PAPPA: variants seen among roughly 807,000 people sequenced by gnomAD.
PAPPA encodes the protein pappalysin-1.
A neutral mutation model predicts 164.0 loss-of-function variants in PAPPA; 60 were observed. The ratio of observed to expected loss-of-function variants is 0.37; its 90% CI spans 0.30 to 0.45. The LOEUF is 0.45. Ranked by LOEUF, PAPPA falls within the 20% of genes least tolerant of loss-of-function variation. The pLI is 1.00. For missense variants in PAPPA, 1,782 were observed against 2,087.3 expected (o/e 0.85, Z 2.85); for synonymous variants, 875 against 814.1 (o/e 1.07, Z -1.27).
intron 7 of PAPPA, among the ~76,000 whole-genome samples, chr9:116,244,780 G>A (rs1844776947): frequency 6.6e-6 from 1 of 152,114 alleles, no homozygotes; most frequent in African/African-American, 2.4e-5. Context: ...ACTACAAATA[G>A]AACTACTGTT....
intron 20 of PAPPA, among the ~76,000 whole-genome samples, chr9:116,380,546 A>G (rs3789301): frequency 0.095 from 14,416 of 152,306 alleles, 776 homozygotes; most frequent in South Asian, 0.16. Context: ...ATAAAAAAGA[A>G]CATAACCCAC....
intron 12 of PAPPA, among the ~76,000 whole-genome samples, chr9:116,333,076 A>G (rs1450812877): frequency 6.6e-6 from 1 of 152,080 alleles, no homozygotes; most frequent in Non-Finnish European, 1.5e-5. Flanking sequence ...GGGGGAGGAC[A>G]AGGGCTGGAC....
intron 6 of PAPPA, among the ~76,000 whole-genome samples, chr9:116,233,791 C>T (rs1844626928): frequency 6.6e-6 from 1 of 152,078 alleles, no homozygotes; most frequent in African/African-American, 2.4e-5. Context: ...TGTAACATTA[C>T]CACAAAGCGT....
At chr9:116,239,188 C>A (rs1383638149) in intron 7 of PAPPA, among the ~76,000 whole-genome samples, 1 of 152,136 alleles carries the variant, frequency 6.6e-6, no homozygotes, top group African/African-American at 2.4e-5. Flanking sequence ...TCTGTGCTTA[C>A]CCCATGGAAA....
At chr9:116,327,836 G>C (rs1845940251) in intron 10 of PAPPA, among the ~76,000 whole-genome samples, 1 of 152,178 alleles carries the variant, frequency 6.6e-6, no homozygotes, top group East Asian at 1.9e-4. Flanking sequence ...CCTCCCTCCA[G>C]TTCCCCAGGA....
At position 116,402,227 on chromosome 9, in the gene PAPPA, A is replaced by T. The variant is rs560585432; in HGVS notation, c.*5611A>T. ...TCTCAATTACAGGTTGGATCTCACA[A>T]ATAATAATGTCAGAGACAGAAATAT... On this transcript the variant is annotated 3_prime_UTR_variant, in exon 22 of 22. Transcript: ENST00000328252. 1.3e-5 allele frequency: 2 copies of T among 152,734 alleles called. No homozygotes were observed. The highest frequency in any genetic ancestry group is 4.2e-4 in the South Asian group (2 of 4,818). The allele number at this position is 152,734 out of a possible 1,614,324, so 9.5% of individuals were successfully genotyped here. A position where few individuals can be genotyped will look rare whatever the true frequency, so the allele number is the denominator to read the frequency against.
intron 9 of PAPPA, among the ~76,000 whole-genome samples, chr9:116,285,268 CA>C (rs1845323707): frequency 7.3e-6 from 1 of 136,672 alleles, no homozygotes; most frequent in Non-Finnish European, 1.5e-5. Flanking sequence ...CTCCTGGGTT[CA>C]AGTGATTCTC....
At chr9:116,328,160 G>T (rs1021992145) in intron 10 of PAPPA, among the ~76,000 whole-genome samples, 1 of 152,192 alleles carries the variant, frequency 6.6e-6, no homozygotes, top group Admixed American at 6.5e-5. Context: ...TCAGAGATGT[G>T]CTTCACCAAG....
chr9:116,167,687 G>A (rs1267797146), intron 1 of PAPPA, among the ~76,000 whole-genome samples: 7 of 152,116 alleles, frequency 4.6e-5, no homozygotes, highest in Non-Finnish European at 8.8e-5. Context: ...TGACTCTGGA[G>A]TAACAAGGCT....
At chr9:116,202,688 G>C (rs946445461) in intron 2 of PAPPA, among the ~76,000 whole-genome samples, 1 of 152,112 alleles carries the variant, frequency 6.6e-6, no homozygotes, top group Admixed American at 6.5e-5. Flanking sequence ...TTGTACTGCT[G>C]TTTGGTTTTT....
chr9:116,276,097 A>G (rs1408556370), intron 9 of PAPPA, among the ~76,000 whole-genome samples: 3 of 152,180 alleles, frequency 2.0e-5, no homozygotes, highest in Admixed American at 1.3e-4. Context: ...GTTTCAGTGA[A>G]AAAATGTGGT....
Position 116,165,903 on chromosome 9 carries a change from A to G in PAPPA, c.415+11316A>G, listed in dbSNP as rs530501074. Among the ~76,000 whole-genome samples the G allele has an allele frequency of 1.2e-4, 18 of 152,284 alleles. No individual in the cohort carries two copies. The South Asian group carries it at 3.3e-3, about 28-fold the overall frequency. The stretch of plus-strand genomic sequence containing the variant: ...ATGCTTTCTGCACACTTTTATCAAA[A>G]TACCTGGAATTATGACATTTAATTG... On this transcript the variant is annotated intron_variant, in intron 1 of 21. Coordinates refer to ENST00000328252, the MANE Select transcript of PAPPA (RefSeq NM_002581.5).
intron 5 of PAPPA, among the ~76,000 whole-genome samples, chr9:116,221,241 G>A (rs990059236): frequency 6.6e-6 from 1 of 152,022 alleles, no homozygotes; most frequent in African/African-American, 2.4e-5. Flanking sequence ...GATTTAAAAG[G>A]GTCATGAAAA....
At chr9:116,212,023 C>A (rs948597472) in intron 4 of PAPPA, 91 bp downstream of exon 4, 40 of 1,147,612 alleles carry the variant, frequency 3.5e-5, no homozygotes, top group Non-Finnish European at 4.7e-5. Context: ...AAGCTACTTA[C>A]CATTTCTAAG....
intron 3 of PAPPA, among the ~76,000 whole-genome samples, chr9:116,210,522 A>T (rs1844293663): frequency 6.6e-6 from 1 of 152,184 alleles, no homozygotes; most frequent in Non-Finnish European, 1.5e-5. Context: ...AGGTTCACAG[A>T]CCTGAGTTTT....
chr9:116,207,586 G>A lies in PAPPA; in HGVS notation c.1609G>A (p.Ala537Thr), dbSNP rs2118676139. Residue 537 changes from alanine to threonine, a missense_variant, in exon 3 of 22, where the codon GCC (alanine) becomes ACC (threonine). Ala to Thr is a moderately conservative substitution (Grantham distance 58, BLOSUM62 0). This residue lies in a region of PAPPA where 1,324 missense variants were observed against 1,656.9 expected (regional missense o/e 0.80). Transcript: ENST00000328252. ...AGCAACTTGGCCATGGGACAAGGAGGCCCTGATGCACTTAGGTGAGTCTTA... is the reference window on the plus strand; with the variant it reads ...AGCAACTTGGCCATGGGACAAGGAGACCCTGATGCACTTAGGTGAGTCTTA... ...GVATWPWDKE[A>T]LMHLGGIVLN... The A allele has an allele frequency of 6.2e-7, 1 of 1,613,424 alleles. No homozygotes were observed. Among genetic ancestry groups the A allele is most frequent in the Non-Finnish European group, 8.5e-7 (1 of 1,179,606 alleles).
chr9:116,157,256 G>C (rs534651676), intron 1 of PAPPA, among the ~76,000 whole-genome samples: 2 of 152,276 alleles, frequency 1.3e-5, no homozygotes, highest in East Asian at 3.9e-4. Flanking sequence ...TGCTATTTCT[G>C]CCCCGGTTCA....
At chr9:116,379,063 A>G (rs928781771) in intron 20 of PAPPA, among the ~76,000 whole-genome samples, 2 of 152,228 alleles carry the variant, frequency 1.3e-5, no homozygotes, top group Admixed American at 1.3e-4. Flanking sequence ...TTACCTGGGC[A>G]CTCATTCTGC....
chr9:116,357,128 C>T (rs1271569912), intron 17 of PAPPA, among the ~76,000 whole-genome samples: 2 of 152,214 alleles, frequency 1.3e-5, no homozygotes, highest in Admixed American at 1.3e-4. Context: ...TCCAGTAGAA[C>T]TTTCTGCCAT....
Sources: gnomAD v4.1 joint callset for allele counts (sites outside exome capture counted in the v4.1 genomes callset) on GRCh38, gnomAD v4.1.1 for gene constraint, gnomAD v4.1.1 regional missense constraint, MANE v1.5 for transcripts, NCBI Gene and HGNC (gene_info 2026-07-23, HGNC 2026-07-21) for gene names.